CNBD1: variants seen among roughly 807,000 people sequenced by gnomAD.
CNBD1 encodes cyclic nucleotide binding domain containing 1, also known as cyclic nucleotide-binding domain-containing protein 1.
Under a neutral mutation model 54.4 loss-of-function variants are expected in CNBD1, and 71 were observed. That is an observed-to-expected ratio of 1.30 (90% CI 1.08 to 1.59). The LOEUF (loss-of-function observed/expected upper bound fraction) is 1.59, where lower values mean the gene tolerates loss of function less well. Among genes scored for constraint, CNBD1 ranks in the 40% most tolerant of loss-of-function variants. The pLI is 0.00. For synonymous variants in CNBD1, 182 were observed against 170.7 expected (o/e 1.07, Z -0.51); for missense variants, 659 against 518.0 (o/e 1.27, Z -2.64).
At chr8:87,315,265 A>G (rs1305039200) in intron 8 of CNBD1, among the ~76,000 whole-genome samples, 5 of 152,126 alleles carry the variant, frequency 3.3e-5, no homozygotes, top group Admixed American at 3.3e-4. Context: ...GCTCTATACA[A>G]GCTGTGATAA....
chr8:87,214,268 A>G, intron 5 of CNBD1, among the ~76,000 whole-genome samples: 1 of 152,162 alleles, frequency 6.6e-6, no homozygotes, highest in East Asian at 1.9e-4. Flanking sequence ...TGCTTTGCTG[A>G]TACCCTAAAT....
chr8:87,090,428 A>G (rs1484889404), intron 4 of CNBD1, among the ~76,000 whole-genome samples: 1 of 152,194 alleles, frequency 6.6e-6, no homozygotes, highest in Admixed American at 6.5e-5. Context: ...AAAGACAGTA[A>G]TCCATCTGGA....
At chr8:87,151,282 G>T (rs190829203) in intron 4 of CNBD1, among the ~76,000 whole-genome samples, 141 of 152,224 alleles carry the variant, frequency 9.3e-4, no homozygotes, top group African/African-American at 3.2e-3. Flanking sequence ...CAAATACCAA[G>T]TATCTACAAT....
intron 4 of CNBD1, among the ~76,000 whole-genome samples, chr8:87,057,849 A>G (rs1586228025): frequency 6.6e-6 from 1 of 152,164 alleles, no homozygotes; most frequent in East Asian, 1.9e-4. Context: ...ACTCCATCTA[A>G]AAAACAGATA....
chr8:87,085,351 T>G (rs1445901480), intron 4 of CNBD1, among the ~76,000 whole-genome samples: 4 of 152,174 alleles, frequency 2.6e-5, no homozygotes, highest in Non-Finnish European at 5.9e-5. Flanking sequence ...AATTTTGTAC[T>G]TGATAAGCTG....
intron 4 of CNBD1, among the ~76,000 whole-genome samples, chr8:86,995,219 T>C (rs1808841940): frequency 6.6e-6 from 1 of 152,120 alleles, no homozygotes; most frequent in Non-Finnish European, 1.5e-5. Context: ...GAGATAAGAA[T>C]ACATAAATAT....
chr8:87,309,127 A>G (rs1809214180), intron 8 of CNBD1, among the ~76,000 whole-genome samples: 2 of 152,122 alleles, frequency 1.3e-5, no homozygotes, highest in Non-Finnish European at 2.9e-5. Context: ...TTGCTGGATC[A>G]TGTGATAGTT....
At chr8:86,897,669 T>C (rs1808867174) in intron 2 of CNBD1, among the ~76,000 whole-genome samples, 1 of 152,170 alleles carries the variant, frequency 6.6e-6, no homozygotes, top group African/African-American at 2.4e-5. Context: ...ATATAATGTT[T>C]TTTTCCTCTT....
intron 1 of CNBD1, among the ~76,000 whole-genome samples, chr8:86,874,973 T>C (rs1264640166): frequency 7.1e-6 from 1 of 140,684 alleles, no homozygotes; most frequent in Middle Eastern, 3.8e-3. Flanking sequence ...TTTATATTTG[T>C]TTGTAAATCA....
At chr8:87,157,106 A>G (rs936544901) in intron 4 of CNBD1, among the ~76,000 whole-genome samples, 11 of 152,194 alleles carry the variant, frequency 7.2e-5, no homozygotes, top group Non-Finnish European at 1.3e-4. Flanking sequence ...ATGTACAAGC[A>G]GATGAACATT....
intron 1 of CNBD1, among the ~76,000 whole-genome samples, chr8:86,868,405 C>T (rs1213216480): frequency 1.3e-5 from 2 of 152,090 alleles, no homozygotes; most frequent in Non-Finnish European, 1.5e-5. Context: ...TGCAGTGGCA[C>T]GATCTCAGCT....
intron 2 of CNBD1, among the ~76,000 whole-genome samples, chr8:87,411,714 G>T (rs1339378863): frequency 2.7e-5 from 4 of 147,518 alleles, no homozygotes; most frequent in African/African-American, 7.5e-5. Flanking sequence ...TTGATGTTTT[G>T]TAAATTTTCA....
intron 4 of CNBD1, among the ~76,000 whole-genome samples, chr8:87,111,554 G>C (rs1586263988): frequency 6.6e-6 from 1 of 152,208 alleles, no homozygotes; most frequent in African/African-American, 2.4e-5. Flanking sequence ...TCCTCAAATA[G>C]ATCTGACCTC....
At chr8:87,035,739 A>G (rs1053771533) in intron 4 of CNBD1, among the ~76,000 whole-genome samples, 9 of 152,206 alleles carry the variant, frequency 5.9e-5, no homozygotes, top group African/African-American at 2.2e-4. Context: ...TCTCTGTCAT[A>G]TAAATGTCTG....
intron 4 of CNBD1, among the ~76,000 whole-genome samples, chr8:87,154,189 G>A (rs757355218): frequency 3.3e-5 from 5 of 152,038 alleles, no homozygotes; most frequent in Non-Finnish European, 1.5e-5. Flanking sequence ...TTAACCTATC[G>A]CATCTCCAAT....
chr8:87,024,921 T>C (rs1393604944), intron 4 of CNBD1, among the ~76,000 whole-genome samples: 1 of 152,146 alleles, frequency 6.6e-6, no homozygotes. Context: ...AGTTAAAGCA[T>C]TTAAAAATAA....
At chr8:87,401,767 G>A (rs1807569451) in intron 2 of CNBD1, among the ~76,000 whole-genome samples, 1 of 151,958 alleles carries the variant, frequency 6.6e-6, no homozygotes, top group South Asian at 2.1e-4. Flanking sequence ...ATTTAAACAA[G>A]TAAAGCTATA....
At chr8:87,171,836 A>G (rs1320413114) in intron 4 of CNBD1, among the ~76,000 whole-genome samples, 1 of 151,790 alleles carries the variant, frequency 6.6e-6, no homozygotes, top group Non-Finnish European at 1.5e-5. Flanking sequence ...ATGGGGTTTC[A>G]CCATCTTGGC....
rs139712812 is a variant in CNBD1 at position 87,047,762 on chromosome 8, G to A, written c.431+108008G>A. Among the ~76,000 whole-genome samples, 362 of 152,268 alleles carry A rather than the reference G, an allele frequency of 2.4e-3. 1 individual carries two copies. The highest frequency in any genetic ancestry group is 3.7e-3 in the Non-Finnish European group (251 of 68,032). ...AAATATTGGATTTTCCTCTGGGGGG[G>A]TCTATGGAGTTATGAATTTGGTCCC... On this transcript the variant is annotated intron_variant, in intron 4 of 10. Transcript: ENST00000518476.
Sources: gnomAD v4.1 joint callset for allele counts (sites outside exome capture counted in the v4.1 genomes callset) on GRCh38, gnomAD v4.1.1 for gene constraint, MANE v1.5 for transcripts, NCBI Gene and HGNC (gene_info 2026-07-23, HGNC 2026-07-21) for gene names.